The following GLIPR1 variants were observed in gnomAD, a reference collection of about 807,000 sequenced individuals.
GLIPR1 encodes glioma pathogenesis-related protein 1.
GLIPR1 carries 38 observed loss-of-function variants against 30.3 expected under a neutral mutation model. That is an observed-to-expected ratio of 1.26 (90% confidence interval 0.97 to 1.65). GLIPR1 has a LOEUF of 1.65. Ranked by LOEUF, GLIPR1 falls within the 40% of genes most tolerant of loss-of-function variation. The pLI is 0.00. For missense variants in GLIPR1, 285 were observed against 326.5 expected, an observed-to-expected ratio of 0.87 and a Z score of 0.98; for synonymous variants, 122 against 110.6, an observed-to-expected ratio of 1.10 and a Z score of -0.65.
rs910512307 is a variant in GLIPR1 at position 75,500,189 on chromosome 12, T to G, written c.*1211T>G. On this transcript the variant is annotated 3_prime_UTR_variant, in exon 6 of 6. Transcript: ENST00000266659. Reference sequence around the variant, plus strand: ...AATACTTTATATATTAGTACAAGTATACATAAAAATGGCATAAATGGCATA... The same window carrying G: ...AATACTTTATATATTAGTACAAGTAGACATAAAAATGGCATAAATGGCATA... 1 of 271,748 alleles carries G rather than the reference T, an allele frequency of 3.7e-6. No homozygotes were observed. The highest frequency in any genetic ancestry group is 2.2e-5 in the African/African-American group (1 of 45,286). 16.8% of individuals were successfully genotyped at this position (271,748 alleles called of 1,614,324 possible).
intron 2 of GLIPR1, among the ~76,000 whole-genome samples, chr12:75,486,316 T>A (rs2046293768): frequency 6.7e-6 from 1 of 149,398 alleles, no homozygotes. Context: ...ACCTGCCTGA[T>A]AAAAAAAAAA....
At position 75,503,747 on chromosome 12, in the gene GLIPR1, C is replaced by T; in HGVS notation, c.*4769C>T. The stretch of plus-strand genomic sequence containing the variant: ...CCCCATGCACTCAGCTCAAAATATG[C>T]CTATTTATATTTACCCTCAGTTTCT... On this transcript the variant is annotated 3_prime_UTR_variant, in exon 6 of 6. Transcript: ENST00000266659. 1.7e-6 allele frequency: 1 copy of T among 597,142 alleles called. No individual in the cohort carries two copies. The allele number at this position is 597,142 out of a possible 1,614,324, so 37.0% of individuals were successfully genotyped here. A position where few individuals can be genotyped will look rare whatever the true frequency, so the allele number is the denominator to read the frequency against.
intron 3 of GLIPR1, among the ~76,000 whole-genome samples, 153 bp downstream of exon 3, chr12:75,490,671 C>T (rs2046318625): frequency 6.6e-6 from 1 of 150,972 alleles, no homozygotes; most frequent in Non-Finnish European, 1.5e-5. Flanking sequence ...TTTAATTCTT[C>T]TGCCCAGAGA....
At chr12:75,487,900 G>C in intron 2 of GLIPR1, 1 of 349,562 alleles carries the variant, frequency 2.9e-6, no homozygotes, top group South Asian at 2.1e-5. Flanking sequence ...GAGGGCTGCT[G>C]GTTGCCCATT....
Position 75,503,161 on chromosome 12 carries a change from T to C in GLIPR1, c.*4183T>C, listed in dbSNP as rs1157133679. On this transcript the variant is annotated 3_prime_UTR_variant, in exon 6 of 6. Transcript: ENST00000266659. ...GCTGATGCAGGTGGAAGAAAACCCA[T>C]ACGTGAGAGAAGAGGAAACAGAAAG... The C allele has an allele frequency of 1.3e-5, 2 of 152,018 alleles. No homozygotes were observed. Among genetic ancestry groups the C allele is most frequent in the Non-Finnish European group, 2.9e-5 (2 of 67,960 alleles). The allele number at this position is 152,018 out of a possible 1,614,324, so 9.4% of individuals were successfully genotyped here. A position where few individuals can be genotyped will look rare whatever the true frequency, so the allele number is the denominator to read the frequency against.
At chr12:75,481,699 C>A in intron 1 of GLIPR1, 135 bp from the exon 2 acceptor site, 5 of 742,046 alleles carry the variant, frequency 6.7e-6, no homozygotes, top group Non-Finnish European at 1.1e-5. Flanking sequence ...TGCTTGAAGA[C>A]CATATTTATA....
At chr12:75,495,895 A>C (rs1014153494) in intron 4 of GLIPR1, 1 of 320,156 alleles carries the variant, frequency 3.1e-6, no homozygotes, top group Non-Finnish European at 5.7e-6. Context: ...ACAACAAAAA[A>C]AACTGTCAGA....
chr12:75,490,551 C>CGGGGGGGGGGGGGGGGGGGGG, intron 3 of GLIPR1, 33 bp downstream of exon 3: 3 of 117,276 alleles, frequency 2.6e-5, no homozygotes, highest in South Asian at 9.8e-5. Flanking sequence ...TTATAGGAAA[C>CGGGGGGGGGGGGGGGGGGGGG]GCCCCCCCCC....
At chr12:75,489,481 A>T (rs769036821) in intron 2 of GLIPR1, among the ~76,000 whole-genome samples, 17 of 152,066 alleles carry the variant, frequency 1.1e-4, no homozygotes, top group Non-Finnish European at 2.5e-4. Flanking sequence ...CACCAAGTTA[A>T]TCTTCACTTG....
At chr12:75,483,022 G>T (rs2046278372) in intron 2 of GLIPR1, among the ~76,000 whole-genome samples, 1 of 152,108 alleles carries the variant, frequency 6.6e-6, no homozygotes, top group Admixed American at 6.5e-5. Flanking sequence ...TGGTTTTAAG[G>T]AACAACATGG....
rs1384164336 is a variant in GLIPR1 at position 75,499,759 on chromosome 12, C to CA, written c.*785dup. ...ATAAGGCAACTAATGCCTGATATCT[C>CA]AAAATCCTTTACAAAAGGAGATAGT... On this transcript the variant is annotated 3_prime_UTR_variant, in exon 6 of 6. Coordinates refer to ENST00000266659, the MANE Select transcript of GLIPR1 (RefSeq NM_006851.3). The CA allele has an allele frequency of 4.1e-6, 6 of 1,449,746 alleles. No individual in the cohort carries two copies. The highest frequency in any genetic ancestry group is 2.5e-5 in the East Asian group (1 of 40,796). The allele number at this position is 1,449,746 out of a possible 1,614,324, so 89.8% of individuals were successfully genotyped here.
At chr12:75,482,680 G>T (rs1228929498) in intron 2 of GLIPR1, among the ~76,000 whole-genome samples, 1 of 150,454 alleles carries the variant, frequency 6.6e-6, no homozygotes, top group Non-Finnish European at 1.5e-5. Context: ...CATATTATTA[G>T]TCCCAATAGC....
chr12:75,498,744 TTTCA>T, intron 5 of GLIPR1, 24 bp downstream of exon 5: 1 of 1,609,818 alleles, frequency 6.2e-7, no homozygotes, highest in Non-Finnish European at 8.5e-7. Flanking sequence ...TCTTAAATTG[TTTCA>T]TTAAGAGCTA....
chr12:75,487,307 A>G (rs1275777606), intron 2 of GLIPR1, among the ~76,000 whole-genome samples: 1 of 152,212 alleles, frequency 6.6e-6, no homozygotes, highest in Admixed American at 6.5e-5. Context: ...TAAACAAAGG[A>G]CCCCACATAA....
rs2046266666 is a variant in GLIPR1, at chr12:75,480,891, C to T, written c.11C>T (p.Thr4Ile). 1 of 1,610,816 alleles carries T rather than the reference C, an allele frequency of 6.2e-7. No individual in the cohort carries two copies. The highest frequency in any genetic ancestry group is 1.1e-5 in the South Asian group (1 of 90,702). Residue 4 changes from threonine to isoleucine, a missense_variant, in exon 1 of 6, where the codon ACA becomes ATA. Thr to Ile is a moderately conservative substitution (Grantham distance 89, BLOSUM62 -1). Coordinates refer to ENST00000266659, the MANE Select transcript of GLIPR1 (RefSeq NM_006851.3). The part of the protein sequence containing the change: MRV[T>I]LATIAWMVSF... ...CATGCCAGACAAAGCATGCGTGTCACACTTGCTACAATAGCCTGGATGGTT... is the reference window on the plus strand; with the variant it reads ...CATGCCAGACAAAGCATGCGTGTCATACTTGCTACAATAGCCTGGATGGTT...
At chr12:75,490,184 ATTATC>A (rs1460101585) in intron 2 of GLIPR1, among the ~76,000 whole-genome samples, 1 of 130,230 alleles carries the variant, frequency 7.7e-6, no homozygotes, top group Admixed American at 8.9e-5. Flanking sequence ...ACTGTCAAAA[ATTATC>A]TTATTTCACA....
At chr12:75,491,588 A>G (rs1009375254) in intron 3 of GLIPR1, 1 of 152,142 alleles carries the variant, frequency 6.6e-6, no homozygotes, top group African/African-American at 2.4e-5. Context: ...TTCCACCATT[A>G]TATCAATTTG....
intron 3 of GLIPR1, 40 bp from the exon 4 acceptor site, chr12:75,495,537 C>A (rs756615519): frequency 2.5e-6 from 3 of 1,187,712 alleles, no homozygotes; most frequent in Non-Finnish European, 2.5e-6. Flanking sequence ...TTTTAAAAAA[C>A]CGAAAAACTT....
intron 2 of GLIPR1, chr12:75,483,706 A>T (rs2046281498): frequency 6.6e-6 from 1 of 152,200 alleles, no homozygotes; most frequent in Non-Finnish European, 1.5e-5. Flanking sequence ...AGGAAGTGTA[A>T]AGCTTCACAC....
Sources: gnomAD v4.1 joint callset for allele counts (sites outside exome capture counted in the v4.1 genomes callset) on GRCh38, gnomAD v4.1.1 for gene constraint, MANE v1.5 for transcripts, NCBI Gene and HGNC (gene_info 2026-07-23, HGNC 2026-07-21) for gene names.